BLOC1S4: variants seen among roughly 807,000 people sequenced by gnomAD.
BLOC1S4 encodes biogenesis of lysosomal organelles complex 1 subunit 4.
For synonymous variants in BLOC1S4, 179 were observed against 143.7 expected (o/e 1.25, Z -1.76); for missense variants, 332 against 308.8 (o/e 1.07, Z -0.56).
At position 6,716,193 on chromosome 4, in the gene BLOC1S4, T is replaced by G. The variant is rs941277179; in HGVS notation, c.-17T>G. 1 of 1,231,772 alleles carries G rather than the reference T, an allele frequency of 8.1e-7. No individual in the cohort carries two copies. Among genetic ancestry groups the G allele is most frequent in the Non-Finnish European group, 1.0e-6 (1 of 986,530 alleles). The allele number at this position is 1,231,772 out of a possible 1,614,324, so 76.3% of individuals were successfully genotyped here. The stretch of plus-strand genomic sequence containing the variant: ...GAGGCCGGAAGCGAGCGCTGCGCAG[T>G]CGGGTGGTCGCGGGCCATGGAGGGT... On this transcript the variant is annotated 5_prime_UTR_variant, in exon 1 of 1. Coordinates refer to ENST00000320776, the MANE Select transcript of BLOC1S4 (RefSeq NM_018366.3).
At position 6,716,677 on chromosome 4, in the gene BLOC1S4, CACCAAG is replaced by C. The variant is rs767758164; in HGVS notation, c.469_474del (p.Thr157_Lys158del). ...GCGTGGCCAGGATGGAGGAGCAGGT[CACCAAG>C]GCCGAGGCCGAGCTGGGCACCTTCC... On this transcript the variant is annotated inframe_deletion, in exon 1 of 1. Transcript: ENST00000320776. 5 of 1,611,762 alleles carry C rather than the reference CACCAAG, an allele frequency of 3.1e-6. No individual in the cohort carries two copies. The African/African-American group carries it at 5.3e-5, about 17-fold the overall frequency.
rs35013424 is a variant in BLOC1S4 at position 6,716,821 on chromosome 4, C to G, written c.612C>G (p.Thr204=). The part of the protein sequence containing the change: ...AGYEAPVLFR[T]EDYFPCCSER... The stretch of plus-strand genomic sequence containing the variant: ...ACGAAGCCCCCGTCCTGTTTCGGAC[C>G]GAAGACTACTTCCCTTGTTGCAGTG... Residue 204 remains threonine, a synonymous_variant, in exon 1 of 1, where the codon ACC becomes ACG. Coordinates refer to ENST00000320776, the MANE Select transcript of BLOC1S4 (RefSeq NM_018366.3). The G allele has an allele frequency of 3.7e-6, 6 of 1,611,898 alleles. No individual in the cohort carries two copies. The highest frequency in any genetic ancestry group is 1.1e-5 in the South Asian group (1 of 90,982).
rs1329247602 is a variant in BLOC1S4 at position 6,716,632 on chromosome 4, C to G, written c.423C>G (p.Phe141Leu). ...IYSRIDRLEA[F>L]VRMVGGRVAR... is the part of the protein sequence containing the mutation. ...GCAGGATCGACCGGCTGGAGGCCTT[C>G]GTGAGGATGGTGGGGGGCCGCGTGG... The change falls in exon 1 of 1, where the codon TTC becomes TTG. Residue 141 changes from phenylalanine to leucine, a missense_variant. Coordinates refer to ENST00000320776, the MANE Select transcript of BLOC1S4 (RefSeq NM_018366.3). 1 of 1,608,756 alleles carries G rather than the reference C, an allele frequency of 6.2e-7. No homozygotes were observed. The highest frequency in any genetic ancestry group is 8.5e-7 in the Non-Finnish European group (1 of 1,179,438).
Position 6,716,689 on chromosome 4 carries a change from G to T in BLOC1S4, c.480G>T (p.Glu160Asp), listed in dbSNP as rs751266685. Reference protein sequence around the residue: ...ARMEEQVTKAEAELGTFPRAF... With the variant: ...ARMEEQVTKADAELGTFPRAF... ...TGGAGGAGCAGGTCACCAAGGCCGA[G>T]GCCGAGCTGGGCACCTTCCCCAGGG... is the stretch of plus-strand genomic sequence containing the variant. The change falls in exon 1 of 1, where the codon GAG becomes GAT. Residue 160 changes from glutamate (E) to aspartate (D), a missense_variant. By Grantham distance (45) the Glu-to-Asp change is conservative. Transcript: ENST00000320776. The T allele has an allele frequency of 1.9e-6, 3 of 1,612,426 alleles. No individual in the cohort carries two copies. In the South Asian group the frequency reaches 3.3e-5, roughly 18 times the overall value.
chr4:6,717,039 G>C lies in BLOC1S4; in HGVS notation c.*176G>C. 1.6e-6 allele frequency: 1 copy of C among 637,498 alleles called. No individual in the cohort carries two copies. Among genetic ancestry groups the C allele is most frequent in the Non-Finnish European group, 2.6e-6 (1 of 379,156 alleles). 39.5% of individuals were successfully genotyped at this position (637,498 alleles called of 1,614,324 possible). On this transcript the variant is annotated 3_prime_UTR_variant, in exon 1 of 1. Coordinates refer to ENST00000320776, the MANE Select transcript of BLOC1S4 (RefSeq NM_018366.3). ...TCAGTGTAGAATGTATAGACTTTAT[G>C]TCTTCCAAGTTTAAAAAAAGAGACA...
chr4:6,716,469 C>A lies in BLOC1S4; in HGVS notation c.260C>A (p.Ala87Glu). Reference protein sequence around the residue: ...GARPEVEALDASLEDLLTRVD... With the variant: ...GARPEVEALDESLEDLLTRVD... The stretch of plus-strand genomic sequence containing the variant: ...CGGCCCGAGGTCGAGGCCCTGGACG[C>A]GAGCCTAGAGGACCTGCTTACCAGA... The change falls in exon 1 of 1, where the codon GCG (alanine) becomes GAG (glutamate). Residue 87 changes from alanine (A) to glutamate (E), a missense_variant. By Grantham distance (107) the Ala-to-Glu change is moderately radical. Coordinates refer to ENST00000320776, the MANE Select transcript of BLOC1S4 (RefSeq NM_018366.3). The A allele has an allele frequency of 6.5e-7, 1 of 1,535,698 alleles. No individual in the cohort carries two copies. Among genetic ancestry groups the A allele is most frequent in the South Asian group, 1.2e-5 (1 of 84,036 alleles).
rs1714913715 is a variant in BLOC1S4, at chr4:6,716,576, G to C, written c.367G>C (p.Ala123Pro). 6.3e-7 allele frequency: 1 copy of C among 1,590,290 alleles called. No individual in the cohort carries two copies. Among genetic ancestry groups the C allele is most frequent in the Admixed American group, 1.7e-5 (1 of 57,674 alleles). Residue 123 changes from alanine (A) to proline (P), a missense_variant, in exon 1 of 1, where the codon GCG (alanine) becomes CCG (proline). Physicochemically the swap from Ala to Pro is conservative, Grantham distance 27. Transcript: ENST00000320776. ...CAGCGAGGGCGTGCCGCGCATCCAC[G>C]CGAAGGCCGCCGAGATGCGGCGCAT... ...VVSEGVPRIH[A>P]KAAEMRRIYS...
At position 6,716,643 on chromosome 4, in the gene BLOC1S4, TG is replaced by T. The variant is rs749321659; in HGVS notation, c.440del (p.Gly147AlafsTer31). On this transcript the variant is annotated frameshift_variant, in exon 1 of 1. Coordinates refer to ENST00000320776, the MANE Select transcript of BLOC1S4 (RefSeq NM_018366.3). LOFTEE classifies it low-confidence loss of function (END_TRUNC). ...IDRLEAFVRM[V>X]GGRVARMEEQ... Reference sequence around the variant, plus strand: ...CGGCTGGAGGCCTTCGTGAGGATGGTGGGGGGCCGCGTGGCCAGGATGGAGG... The same window carrying T: ...CGGCTGGAGGCCTTCGTGAGGATGGTGGGGGCCGCGTGGCCAGGATGGAGG... The T allele has an allele frequency of 3.7e-6, 6 of 1,608,866 alleles. No homozygotes were observed. In the African/African-American group the frequency reaches 5.3e-5, roughly 14 times the overall value.
Position 6,717,264 on chromosome 4 carries a change from A to T in BLOC1S4, c.*401A>T, listed in dbSNP as rs1163624017. 5.8e-6 allele frequency: 1 copy of T among 172,134 alleles called. No individual in the cohort carries two copies. Among genetic ancestry groups the T allele is most frequent in the African/African-American group, 2.4e-5 (1 of 41,672 alleles). 10.7% of individuals were successfully genotyped at this position (172,134 alleles called of 1,614,324 possible). On this transcript the variant is annotated 3_prime_UTR_variant, in exon 1 of 1. Coordinates refer to ENST00000320776, the MANE Select transcript of BLOC1S4 (RefSeq NM_018366.3). Reference sequence around the variant, plus strand: ...TTCTCTGCACTGTGGCAAAACTGTTATTTTTATGGATTTTACTAAATGGCG... The same window carrying T: ...TTCTCTGCACTGTGGCAAAACTGTTTTTTTTATGGATTTTACTAAATGGCG...
Position 6,716,269 on chromosome 4 carries a change from G to A in BLOC1S4, c.60G>A (p.Glu20=). 8.1e-7 allele frequency: 1 copy of A among 1,233,506 alleles called. No individual in the cohort carries two copies. The highest frequency in any genetic ancestry group is 1.0e-6 in the Non-Finnish European group (1 of 988,294). 76.4% of individuals were successfully genotyped at this position (1,233,506 alleles called of 1,614,324 possible). Residue 20 remains glutamate, a synonymous_variant, in exon 1 of 1, where the codon GAG becomes GAA. Transcript: ENST00000320776. ...CGGAGGGGCTCGCGGAAGAGGCCGA[G>A]CCGCAGGGCGCCGCCTGGAGCGGGG... ...ALPEGLAEEA[E]PQGAAWSGDS...
In BLOC1S4 at chr4:6,716,393, C is replaced by T. The variant is rs986012454; in HGVS notation, c.184C>T (p.Arg62Cys). Reference sequence around the variant, plus strand: ...GCCGGGCCGCGACCTGCCGCTGCTTCGCCGCGCCGCTGCGGGCTACGCCGC... The same window carrying T: ...GCCGGGCCGCGACCTGCCGCTGCTTTGCCGCGCCGCTGCGGGCTACGCCGC... ...GAPGRDLPLLRRAAAGYAACL... is the reference protein window; with the variant it reads ...GAPGRDLPLLCRAAAGYAACL... The change falls in exon 1 of 1, where the codon CGC (arginine) becomes TGC (cysteine). Residue 62 changes from arginine to cysteine, a missense_variant. Coordinates refer to ENST00000320776, the MANE Select transcript of BLOC1S4 (RefSeq NM_018366.3). 8.0e-6 allele frequency: 10 copies of T among 1,256,470 alleles called. No individual in the cohort carries two copies. In the African/African-American group the frequency reaches 1.6e-4, roughly 20 times the overall value. 77.8% of individuals were successfully genotyped at this position (1,256,470 alleles called of 1,614,324 possible).
chr4:6,716,556 AG>A lies in BLOC1S4; in HGVS notation c.350del (p.Gly117AlafsTer26). The A allele has an allele frequency of 6.3e-7, 1 of 1,575,052 alleles. No homozygotes were observed. On this transcript the variant is annotated frameshift_variant, in exon 1 of 1. Coordinates refer to ENST00000320776, the MANE Select transcript of BLOC1S4 (RefSeq NM_018366.3). LOFTEE classifies it low-confidence loss of function (END_TRUNC). Reference sequence around the variant, plus strand: ...GGCGACTCGTCCCACGTCGTCAGCGAGGGCGTGCCGCGCATCCACGCGAAGG... The same window carrying A: ...GGCGACTCGTCCCACGTCGTCAGCGAGGCGTGCCGCGCATCCACGCGAAGG... ...LRGDSSHVVS[E>X]GVPRIHAKAA... is the part of the protein sequence containing the mutation.
rs758975683 is a variant in BLOC1S4, at chr4:6,716,981, C to A, written c.*118C>A. ...TTGGAGTGTGGGATTTTAAAGTTTA[C>A]TTTCTACAAACTCTCCGTAGTATAT... On this transcript the variant is annotated 3_prime_UTR_variant, in exon 1 of 1. Coordinates refer to ENST00000320776, the MANE Select transcript of BLOC1S4 (RefSeq NM_018366.3). The A allele has an allele frequency of 3.1e-4, 285 of 933,220 alleles. 1 individual carries two copies. The highest frequency in any genetic ancestry group is 3.6e-4 in the Non-Finnish European group (224 of 627,610). 57.8% of individuals were successfully genotyped at this position (933,220 alleles called of 1,614,324 possible). A position where few individuals can be genotyped will look rare whatever the true frequency, so the allele number is the denominator to read the frequency against.
At position 6,717,028 on chromosome 4, in the gene BLOC1S4, A is replaced by G. The variant is rs906854706; in HGVS notation, c.*165A>G. ...ATATTCATGATTCAGTGTAGAATGT[A>G]TAGACTTTATGTCTTCCAAGTTTAA... On this transcript the variant is annotated 3_prime_UTR_variant, in exon 1 of 1. Transcript: ENST00000320776. 8 of 670,268 alleles carry G rather than the reference A, an allele frequency of 1.2e-5. No homozygotes were observed. In the Admixed American group the frequency reaches 1.9e-4, roughly 16 times the overall value. 41.5% of individuals were successfully genotyped at this position (670,268 alleles called of 1,614,324 possible).
Position 6,717,317 on chromosome 4 carries a change from A to G in BLOC1S4, c.*454A>G, listed in dbSNP as rs1714938524. The G allele has an allele frequency of 6.0e-6, 1 of 167,978 alleles. No individual in the cohort carries two copies. The highest frequency in any genetic ancestry group is 1.5e-5 in the Non-Finnish European group (1 of 68,690). 10.4% of individuals were successfully genotyped at this position (167,978 alleles called of 1,614,324 possible). On this transcript the variant is annotated 3_prime_UTR_variant, in exon 1 of 1. Transcript: ENST00000320776. ...ACCTTTTCAAGATTTATATGTTTGT[A>G]TAATCATAAGAAAATTGAGCCATTA...
At position 6,716,207 on chromosome 4, in the gene BLOC1S4, G is replaced by GC; in HGVS notation, c.-1dup. 2.4e-6 allele frequency: 3 copies of GC among 1,233,682 alleles called. No homozygotes were observed. Among genetic ancestry groups the GC allele is most frequent in the Non-Finnish European group, 3.0e-6 (3 of 987,416 alleles). The allele number at this position is 1,233,682 out of a possible 1,614,324, so 76.4% of individuals were successfully genotyped here. ...GCGCTGCGCAGTCGGGTGGTCGCGG[G>GC]CCATGGAGGGTAGCTTTTCGGATGG... On this transcript the variant is annotated 5_prime_UTR_variant, in exon 1 of 1. Coordinates refer to ENST00000320776, the MANE Select transcript of BLOC1S4 (RefSeq NM_018366.3).
At position 6,716,733 on chromosome 4, in the gene BLOC1S4, A is replaced by G; in HGVS notation, c.524A>G (p.His175Arg). 6.2e-7 allele frequency: 1 copy of G among 1,613,696 alleles called. No individual in the cohort carries two copies. Among genetic ancestry groups the G allele is most frequent in the South Asian group, 1.1e-5 (1 of 91,082 alleles). Residue 175 changes from histidine to arginine, a missense_variant, in exon 1 of 1, where the codon CAC (histidine) becomes CGC (arginine). Coordinates refer to ENST00000320776, the MANE Select transcript of BLOC1S4 (RefSeq NM_018366.3). The stretch of plus-strand genomic sequence containing the variant: ...CCCAGGGCGTTCAAGAAGCTCCTGC[A>G]CACGATGAACGTGCCCTCGCTCTTT... The part of the protein sequence containing the change: ...TFPRAFKKLL[H>R]TMNVPSLFSK...
In BLOC1S4 at chr4:6,716,700, G is replaced by C. The variant is rs113780894; in HGVS notation, c.491G>C (p.Gly164Ala). The C allele has an allele frequency of 1.6e-5, 25 of 1,612,732 alleles. No individual in the cohort carries two copies. The African/African-American group carries it at 3.2e-4, about 21-fold the overall frequency. The stretch of plus-strand genomic sequence containing the variant: ...GTCACCAAGGCCGAGGCCGAGCTGG[G>C]CACCTTCCCCAGGGCGTTCAAGAAG... ...EQVTKAEAELGTFPRAFKKLL... is the reference protein window; with the variant it reads ...EQVTKAEAELATFPRAFKKLL... Residue 164 changes from glycine to alanine, a missense_variant, in exon 1 of 1, where the codon GGC becomes GCC. Physicochemically the swap from Gly to Ala is moderately conservative, Grantham distance 60. Coordinates refer to ENST00000320776, the MANE Select transcript of BLOC1S4 (RefSeq NM_018366.3).
At position 6,717,384 on chromosome 4, in the gene BLOC1S4, T is replaced by C. The variant is rs1252747208; in HGVS notation, c.*521T>C. Reference sequence around the variant, plus strand: ...TCCTAATAGTCAGTTTTCTAGAACCTACTTTTAGGGTAAATGGTACATTAT... The same window carrying C: ...TCCTAATAGTCAGTTTTCTAGAACCCACTTTTAGGGTAAATGGTACATTAT... On this transcript the variant is annotated 3_prime_UTR_variant, in exon 1 of 1. Transcript: ENST00000320776. 1 of 166,978 alleles carries C rather than the reference T, an allele frequency of 6.0e-6. No homozygotes were observed. Among genetic ancestry groups the C allele is most frequent in the Admixed American group, 6.5e-5 (1 of 15,288 alleles). 10.3% of individuals were successfully genotyped at this position (166,978 alleles called of 1,614,324 possible). A position where few individuals can be genotyped will look rare whatever the true frequency, so the allele number is the denominator to read the frequency against.
Sources: allele counts gnomAD v4.1 joint callset, GRCh38; gene constraint gnomAD v4.1.1; transcripts MANE v1.5; gene names NCBI Gene and HGNC (gene_info 2026-07-23, HGNC 2026-07-21).